Variants in LRRC37A2 observed in about 807,000 individuals in gnomAD.
LRRC37A2 encodes the protein leucine rich repeat containing 37 member A2.
LRRC37A2 carries 9 observed loss-of-function variants against 68.8 expected under a neutral mutation model. That is an observed-to-expected ratio of 0.13 (90% CI 0.08 to 0.23). The LOEUF (loss-of-function observed/expected upper bound fraction) is 0.23. LRRC37A2 is among the 10% of genes least tolerant of loss of function. LRRC37A2 has a pLI of 1.00. For synonymous variants in LRRC37A2, 63 were observed against 367.6 expected, an observed-to-expected ratio of 0.17 and a Z score of 9.48; for missense variants, 168 against 950.4, an observed-to-expected ratio of 0.18 and a Z score of 10.82.
chr17:46,896,392 G>GAGAAAGAA, the LRRC37A2 span, among the ~76,000 whole-genome samples: 78 of 88,844 alleles, frequency 8.8e-4, no homozygotes, highest in East Asian at 2.7e-3. Flanking sequence ...AAGAAAGAAA[G>GAGAAAGAA]AGAAAGAAAG....
chr17:46,558,053 GT>G (rs2057377607), downstream of LRRC37A2, among the ~76,000 whole-genome samples: 1 of 139,062 alleles, frequency 7.2e-6, no homozygotes, highest in Non-Finnish European at 1.6e-5. Flanking sequence ...AAATTCAGGA[GT>G]TTTGTTTGTT....
the LRRC37A2 span, among the ~76,000 whole-genome samples, chr17:46,946,952 C>G: frequency 6.6e-6 from 1 of 152,168 alleles, no homozygotes; most frequent in Non-Finnish European, 1.5e-5. Flanking sequence ...GGAGAGCCCA[C>G]CCAGCAGTGA....
chr17:46,536,927 G>A (rs1193582140), intron 6 of LRRC37A2, among the ~76,000 whole-genome samples: 3 of 8,856 alleles, frequency 3.4e-4, no homozygotes, highest in Non-Finnish European at 4.8e-4. Flanking sequence ...TTTCCAAGGC[G>A]ACTACTGAGC....
chr17:46,681,140 T>C, the LRRC37A2 span, among the ~76,000 whole-genome samples: 1 of 144,940 alleles, frequency 6.9e-6, no homozygotes, highest in African/African-American at 2.5e-5. Context: ...CTATTTGTAA[T>C]AGAGGAAAAA....
the LRRC37A2 span, among the ~76,000 whole-genome samples, chr17:46,928,634 C>T: frequency 1.3e-5 from 2 of 152,142 alleles, no homozygotes; most frequent in Admixed American, 6.5e-5. Flanking sequence ...GCAGTTCCTT[C>T]GTTCCTTGAT....
At chr17:46,490,001 A>G in the LRRC37A2 span, among the ~76,000 whole-genome samples, 4 of 150,636 alleles carry the variant, frequency 2.7e-5, no homozygotes, top group Non-Finnish European at 4.4e-5. Context: ...GGAAAGTACC[A>G]TGGAAATGGA....
intron 6 of LRRC37A2, among the ~76,000 whole-genome samples, chr17:46,532,948 T>A (rs2053929568): frequency 7.9e-6 from 1 of 127,000 alleles, no homozygotes; most frequent in Non-Finnish European, 1.6e-5. Flanking sequence ...AAAAAAAATG[T>A]AAAAGTTAGC....
chr17:46,872,932 G>A, the LRRC37A2 span, among the ~76,000 whole-genome samples: 1 of 152,140 alleles, frequency 6.6e-6, no homozygotes, highest in South Asian at 2.1e-4. Flanking sequence ...AGTCACAAGA[G>A]TTAATGAGGG....
At chr17:46,913,783 A>T in the LRRC37A2 span, among the ~76,000 whole-genome samples, 3 of 152,118 alleles carry the variant, frequency 2.0e-5, no homozygotes, top group Admixed American at 2.0e-4. Context: ...TTATTTTGAC[A>T]GAGTCTCACT....
At chr17:46,492,023 G>T in the LRRC37A2 span, among the ~76,000 whole-genome samples, 1 of 150,080 alleles carries the variant, frequency 6.7e-6, no homozygotes, top group Non-Finnish European at 1.5e-5. Flanking sequence ...GAGTGCAGTG[G>T]CGCGATCTCA....
At chr17:46,917,921 A>C in the LRRC37A2 span, among the ~76,000 whole-genome samples, 1 of 152,242 alleles carries the variant, frequency 6.6e-6, no homozygotes, top group Admixed American at 6.5e-5. Flanking sequence ...TCCTGGACCC[A>C]GACAGAAAGC....
At chr17:46,883,150 G>GT in the LRRC37A2 span, among the ~76,000 whole-genome samples, 2 of 150,180 alleles carry the variant, frequency 1.3e-5, no homozygotes, top group Non-Finnish European at 3.0e-5. Context: ...GGCTAATTTT[G>GT]TTTTTGTATT....
At chr17:46,832,111 C>T in the LRRC37A2 span, among the ~76,000 whole-genome samples, 2 of 152,162 alleles carry the variant, frequency 1.3e-5, no homozygotes, top group African/African-American at 2.4e-5. Context: ...AGGAAGAGAC[C>T]GAGACCCTGA....
the LRRC37A2 span, among the ~76,000 whole-genome samples, chr17:46,971,272 G>A: frequency 4.6e-5 from 7 of 152,152 alleles, no homozygotes; most frequent in Admixed American, 3.9e-4. Context: ...GGGAGGCAGA[G>A]GTTGCAGTGA....
chr17:46,977,653 C>T, the LRRC37A2 span, among the ~76,000 whole-genome samples: 2 of 152,242 alleles, frequency 1.3e-5, no homozygotes, highest in South Asian at 2.1e-4. Flanking sequence ...GGGACTTCCT[C>T]ACCACAAAGC....
the LRRC37A2 span, chr17:47,021,819 A>G: frequency 7.3e-7 from 1 of 1,368,476 alleles, no homozygotes; most frequent in Non-Finnish European, 1.0e-6. Flanking sequence ...TTTCCTACCT[A>G]TTCAAGGATA....
At chr17:46,734,269 A>C in the LRRC37A2 span, among the ~76,000 whole-genome samples, 1 of 152,202 alleles carries the variant, frequency 6.6e-6, no homozygotes. Flanking sequence ...ACTCTGGCTA[A>C]TGACTATGAT....
the LRRC37A2 span, among the ~76,000 whole-genome samples, chr17:47,022,170 T>C: frequency 1.3e-4 from 3 of 23,276 alleles, no homozygotes; most frequent in African/African-American, 1.6e-4. Flanking sequence ...TTTGTTCTCT[T>C]TTTTTTTTTT....
At chr17:46,851,140 G>T in the LRRC37A2 span, among the ~76,000 whole-genome samples, 1 of 152,096 alleles carries the variant, frequency 6.6e-6, no homozygotes, top group East Asian at 1.9e-4. This position sits in a 1 kb window ranked among gnomAD's most constrained non-coding sequence, Gnocchi z 4.3. Flanking sequence ...GCACTTGCCC[G>T]GCAGGAGGGC....
Sources: allele counts gnomAD v4.1 joint callset (sites outside exome capture counted in the v4.1 genomes callset), GRCh38; gene constraint gnomAD v4.1.1; non-coding constraint Gnocchi (gnomAD v3.1); transcripts MANE v1.5; gene names NCBI Gene and HGNC (gene_info 2026-07-23, HGNC 2026-07-21).